DAB1: variants seen among roughly 807,000 people sequenced by gnomAD.
DAB1 encodes DAB adaptor protein 1.
In DAB1, 15 loss-of-function variants were observed where a neutral mutation model predicts 64.6. The ratio of observed to expected loss-of-function variants is 0.23; its 90% CI spans 0.16 to 0.36. The LOEUF is 0.36. Among genes scored for constraint, DAB1 ranks in the 10% least tolerant of loss-of-function variants. The probability of loss-of-function intolerance (pLI) is 1.00; values close to 1 mark genes in which losing one functional copy is unlikely to be tolerated. For synonymous variants in DAB1, 235 were observed against 251.9 expected (o/e 0.93, Z 0.64); for missense variants, 596 against 706.7 (o/e 0.84, Z 1.78).
chr1:58,541,806 TC>T lies in DAB1; in HGVS notation n.32+4896del, dbSNP rs568189835. Among the ~76,000 whole-genome samples, 10 of 152,256 alleles carry T rather than the reference TC, an allele frequency of 6.6e-5. No homozygotes were observed. The South Asian group carries it at 1.9e-3, about 28-fold the overall frequency. The stretch of plus-strand genomic sequence containing the variant: ...AGGATCTGTTCATGATAAATAAAAC[TC>T]ACTTTCAAATTGTACAGCAAAGGTA... On this transcript the variant is annotated intron_variant and non_coding_transcript_variant, in intron 1 of 20. Coordinates refer to the DAB1 transcript ENST00000485760.
At chr1:58,125,677 C>G (rs2100681530) in intron 5 of DAB1, among the ~76,000 whole-genome samples, 1 of 152,214 alleles carries the variant, frequency 6.6e-6, no homozygotes, top group East Asian at 1.9e-4. Flanking sequence ...AACTCCTAGG[C>G]TCAAACAATC....
rs1210439608 is a variant in DAB1, at chr1:57,145,490, T to C, written c.68-61A>G. ...GTGCAGACCCCAGTGGCTTTGAGTA[T>C]CCACAATTCCAAGATCCGCTGTCTG... On this transcript the variant is annotated intron_variant, in intron 2 of 14. Transcript: ENST00000371236. The C allele has an allele frequency of 3.9e-6, 6 of 1,551,312 alleles. No homozygotes were observed. In the East Asian group the frequency reaches 1.4e-4, roughly 35 times the overall value.
chr1:58,080,275 T>G (rs1649916710), intron 5 of DAB1: 1 of 152,206 alleles, frequency 6.6e-6, no homozygotes, highest in African/African-American at 2.4e-5. Context: ...TATGACTTAA[T>G]CAAGATTCTG....
intron 9 of DAB1, among the ~76,000 whole-genome samples, chr1:57,033,022 G>T (rs2100432760): frequency 6.6e-6 from 1 of 152,240 alleles, no homozygotes; most frequent in East Asian, 1.9e-4. Context: ...AGGCAATGTT[G>T]CACTATGTTA....
chr1:57,934,829 T>G (rs1049104917), intron 5 of DAB1, among the ~76,000 whole-genome samples: 73 of 152,226 alleles, frequency 4.8e-4, no homozygotes, highest in Non-Finnish European at 9.6e-4. Flanking sequence ...GCCTCAAATT[T>G]TCAAGACTCT....
chr1:57,493,021 C>T (rs1644183546), intron 7 of DAB1, among the ~76,000 whole-genome samples: 1 of 152,156 alleles, frequency 6.6e-6, no homozygotes, highest in African/African-American at 2.4e-5. Context: ...CCCTATGCTA[C>T]CCCGTGATTC....
chr1:57,044,402 T>C (rs1648197236), intron 9 of DAB1, among the ~76,000 whole-genome samples: 1 of 152,184 alleles, frequency 6.6e-6, no homozygotes, highest in African/African-American at 2.4e-5. Flanking sequence ...AGAGACTGGT[T>C]CTAGGAGGCA....
At chr1:57,340,056 G>T (rs1468421919) in intron 1 of DAB1, among the ~76,000 whole-genome samples, 1 of 152,140 alleles carries the variant, frequency 6.6e-6, no homozygotes, top group Non-Finnish European at 1.5e-5. Flanking sequence ...TTTGGAAGAT[G>T]CCAGGGAGCA....
At chr1:57,944,278 C>T (rs1045414881) in intron 5 of DAB1, among the ~76,000 whole-genome samples, 1 of 152,104 alleles carries the variant, frequency 6.6e-6, no homozygotes, top group Non-Finnish European at 1.5e-5. Flanking sequence ...TCACCTGTTC[C>T]ACCCTCCTCA....
Position 57,183,263 on chromosome 1 carries a change from G to A in DAB1, c.68-37834C>T, listed in dbSNP as rs982818077. On this transcript the variant is annotated intron_variant, in intron 2 of 14. Transcript: ENST00000371236. ...TTTAGAAAAGTCTTTCAGACCTCAG[G>A]TTGGAGACCATATCACAAGGCAGAG... Among the ~76,000 whole-genome samples the A allele has an allele frequency of 3.3e-5, 5 of 152,288 alleles. No homozygotes were observed. In the East Asian group the frequency reaches 9.7e-4, roughly 29 times the overall value.
intron 6 of DAB1, among the ~76,000 whole-genome samples, chr1:57,816,145 A>G (rs554482280): frequency 1.1e-3 from 175 of 152,328 alleles, no homozygotes; most frequent in Non-Finnish European, 2.1e-3. Flanking sequence ...ATCCATAAAC[A>G]GTGAGAAGTC....
chr1:58,344,627 C>T (rs1310220690), intron 3 of DAB1, among the ~76,000 whole-genome samples: 1 of 152,184 alleles, frequency 6.6e-6, no homozygotes. Context: ...TAAAACTCTG[C>T]ATATCAAGAA....
At chr1:57,071,351 G>A (rs1651441250) in intron 6 of DAB1, 171 bp downstream of exon 6, 1 of 778,662 alleles carries the variant, frequency 1.3e-6, no homozygotes, top group Non-Finnish European at 2.0e-6. Flanking sequence ...GAGTTTAAGA[G>A]AATAAGGAAT....
rs118123095 is a variant in DAB1, at chr1:57,879,404, C to T, written n.87+4595G>A. ...AGATGGGGAAACCTAGCTTTCTGAA[C>T]GGTTGTATTAAGTATCATAATGAAC... On this transcript the variant is annotated intron_variant and non_coding_transcript_variant, in intron 1 of 1. Coordinates refer to the DAB1 transcript ENST00000477280. Among the ~76,000 whole-genome samples, 338 of 152,230 alleles carry T rather than the reference C, an allele frequency of 2.2e-3. 8 individuals are homozygous for T. The East Asian group carries it at 0.047, about 21-fold the overall frequency.
intron 2 of DAB1, among the ~76,000 whole-genome samples, chr1:57,235,367 T>A (rs1258925174): frequency 6.6e-6 from 1 of 152,228 alleles, no homozygotes; most frequent in Non-Finnish European, 1.5e-5. Flanking sequence ...ATGTTATTTG[T>A]AGTAATGACA....
At chr1:57,379,497 T>A (rs1393247966) in intron 1 of DAB1, among the ~76,000 whole-genome samples, 1 of 152,144 alleles carries the variant, frequency 6.6e-6, no homozygotes, top group African/African-American at 2.4e-5. Context: ...GCTATGAACA[T>A]TTGTTAGAAT....
At chr1:58,466,642 A>C (rs1395677250) in intron 3 of DAB1, among the ~76,000 whole-genome samples, 7 of 151,988 alleles carry the variant, frequency 4.6e-5, no homozygotes, top group Non-Finnish European at 1.0e-4. Flanking sequence ...CTTGAAAGGG[A>C]CAATCCTCCT....
chr1:57,779,256 T>A (rs61641359), intron 6 of DAB1, among the ~76,000 whole-genome samples: 54,674 of 151,796 alleles, frequency 0.36, 10,144 homozygotes, highest in South Asian at 0.51. Flanking sequence ...CAGGAAAGCA[T>A]TTCATGCAGA....
At chr1:57,776,575 G>T (rs563134591) in intron 6 of DAB1, among the ~76,000 whole-genome samples, 4 of 151,388 alleles carry the variant, frequency 2.6e-5, no homozygotes, top group African/African-American at 7.3e-5. Context: ...CTCCACAATT[G>T]CCTTATTAGC....
Sources: allele counts gnomAD v4.1 joint callset (sites outside exome capture counted in the v4.1 genomes callset), GRCh38; gene constraint gnomAD v4.1.1; transcripts MANE v1.5; gene names NCBI Gene and HGNC (gene_info 2026-07-23, HGNC 2026-07-21).